The following ZNF821 variants were observed in gnomAD, a reference collection of about 807,000 sequenced individuals.
ZNF821 encodes the protein zinc finger protein 821.
Under a neutral mutation model 44.3 loss-of-function variants are expected in ZNF821, and 16 were observed. That is an observed-to-expected ratio of 0.36 (90% CI 0.24 to 0.55). The LOEUF (loss-of-function observed/expected upper bound fraction) is 0.55. ZNF821 is among the 20% of genes least tolerant of loss of function. The pLI, the probability that ZNF821 is intolerant of heterozygous loss-of-function variation, is 0.86. For missense variants in ZNF821, 436 were observed against 547.6 expected (o/e 0.80, Z 2.03); for synonymous variants, 204 against 197.6 (o/e 1.03, Z -0.27).
chr16:71,894,718 TAG>T, intron 1 of ZNF821: 30 of 567,556 alleles, frequency 5.3e-5, no homozygotes, highest in South Asian at 2.8e-4. Flanking sequence ...TTTTTTTTTG[TAG>T]CGATGCGGTT....
chr16:71,860,387 G>A lies in ZNF821; in HGVS notation c.870C>T (p.Pro290=), dbSNP rs754499117. ...TCATGCGCCTCACCTCCCGCTCCTC[G>A]GGGGTCTCATTGTCCCGCCGGCTCT... The part of the protein sequence containing the change: ...AKKSRRDNET[P]EEREVRRMRD... The change falls in exon 8 of 8, where the codon CCC becomes CCT. Residue 290 remains proline (P), a synonymous_variant. Transcript: ENST00000425432. This position sits in a 1 kb window ranked among gnomAD's most constrained non-coding sequence, Gnocchi z 7.3. 19 of 1,611,942 alleles carry A rather than the reference G, an allele frequency of 1.2e-5. No individual in the cohort carries two copies. The highest frequency in any genetic ancestry group is 6.7e-5 in the African/African-American group (5 of 74,902).
chr16:71,867,381 C>T (rs2034663662), intron 4 of ZNF821, among the ~76,000 whole-genome samples: 1 of 152,042 alleles, frequency 6.6e-6, no homozygotes, highest in African/African-American at 2.4e-5. Flanking sequence ...GTACTGTAGT[C>T]CATAAGTTAA....
At chr16:71,861,754 C>T (rs369403009) in intron 7 of ZNF821, 22 bp downstream of exon 7, 35 of 1,612,688 alleles carry the variant, frequency 2.2e-5, no homozygotes, top group Non-Finnish European at 2.9e-5. Flanking sequence ...CCCAGCACAA[C>T]AGGGATAAGT....
Position 71,860,652 on chromosome 16 carries a change from A to G in ZNF821, c.605T>C (p.Leu202Pro). 6.2e-7 allele frequency: 1 copy of G among 1,613,212 alleles called. No individual in the cohort carries two copies. Among genetic ancestry groups the G allele is most frequent in the Non-Finnish European group, 8.5e-7 (1 of 1,179,546 alleles). The change falls in exon 8 of 8, where the codon CTA becomes CCA. Residue 202 changes from leucine to proline, a missense_variant. Leu to Pro is a moderately conservative substitution (Grantham distance 98). Around this residue, in one of 5 missense-constraint regions of ZNF821, gnomAD observed 238 missense variants for 281.4 expected, o/e 0.85. Coordinates refer to ENST00000425432, the MANE Select transcript of ZNF821 (RefSeq NM_001201552.2). This position sits in a 1 kb window ranked among gnomAD's most constrained non-coding sequence, Gnocchi z 7.3. ...GACTGTGGGTAGGGATTCCATATTT[A>G]GTACTTCAGGAAGTTTCTCACTGGA... ...TFNSEKLPEVLNMESLPTVHN... is the reference protein window; with the variant it reads ...TFNSEKLPEVPNMESLPTVHN...
At chr16:71,892,653 C>A (rs774770905) in intron 1 of ZNF821, among the ~76,000 whole-genome samples, 7 of 149,664 alleles carry the variant, frequency 4.7e-5, no homozygotes, top group Non-Finnish European at 4.5e-5. Flanking sequence ...CTCATTGCAA[C>A]CTCCGCCTCC....
chr16:71,878,696 G>A (rs182944574), intron 3 of ZNF821, among the ~76,000 whole-genome samples: 3 of 151,978 alleles, frequency 2.0e-5, no homozygotes, highest in African/African-American at 4.8e-5. Flanking sequence ...TTGGGAGCCC[G>A]AGGTGGCCAG....
chr16:71,860,303 G>T lies in ZNF821; in HGVS notation c.954C>A (p.Arg318=), dbSNP rs1376970489. 2 of 1,612,860 alleles carry T rather than the reference G, an allele frequency of 1.2e-6. No individual in the cohort carries two copies. The highest frequency in any genetic ancestry group is 2.7e-5 in the African/African-American group (2 of 74,910). The change falls in exon 8 of 8, where the codon CGC becomes CGA. Residue 318 remains arginine (R), a synonymous_variant. Transcript: ENST00000425432. The surrounding 1 kb of genome is among the most constrained non-coding windows in gnomAD (Gnocchi z 7.3). ...TGGCCTCCCGATCCCGCTGCAGCCG[G>T]CGTGCCCGCTGCTCGTCTGTCTCCT... ...RMQETDEQRA[R]RLQRDREAMR...
intron 3 of ZNF821, among the ~76,000 whole-genome samples, chr16:71,876,672 C>T (rs2035856223): frequency 6.6e-6 from 1 of 152,132 alleles, no homozygotes; most frequent in Non-Finnish European, 1.5e-5. Flanking sequence ...GATCTCAGCT[C>T]TCTCAGCTCA....
At position 71,860,271 on chromosome 16, in the gene ZNF821, A is replaced by G; in HGVS notation, c.986T>C (p.Leu329Pro). Residue 329 changes from leucine (L) to proline (P), a missense_variant, in exon 8 of 8, where the codon CTG (leucine) becomes CCG (proline). Leu to Pro is a moderately conservative substitution (Grantham distance 98, BLOSUM62 -3). This residue lies in a region of ZNF821 where 72 missense variants were observed against 133.3 expected (regional missense o/e 0.54). Coordinates refer to ENST00000425432, the MANE Select transcript of ZNF821 (RefSeq NM_001201552.2). This position sits in a 1 kb window ranked among gnomAD's most constrained non-coding sequence, Gnocchi z 7.3. ...TTCCGGGGTTTCATTGGCCCGCTTC[A>G]GCCTCATGGCCTCCCGATCCCGCTG... ...RLQRDREAMR[L>P]KRANETPEKR... 6.2e-7 allele frequency: 1 copy of G among 1,613,912 alleles called. No homozygotes were observed. The highest frequency in any genetic ancestry group is 8.5e-7 in the Non-Finnish European group (1 of 1,180,006).
At chr16:71,870,907 T>C (rs973581253) in intron 3 of ZNF821, among the ~76,000 whole-genome samples, 10 of 152,204 alleles carry the variant, frequency 6.6e-5, no homozygotes, top group Non-Finnish European at 8.8e-5. Context: ...GGGGAAGACC[T>C]TTCTCATCAG....
chr16:71,874,459 T>C (rs1292396397), intron 3 of ZNF821, among the ~76,000 whole-genome samples: 3 of 152,162 alleles, frequency 2.0e-5, no homozygotes, highest in Admixed American at 2.0e-4. Flanking sequence ...TTATTTTGTG[T>C]ATTTATTTTT....
In ZNF821 at chr16:71,894,897, A is replaced by G. The variant is rs1342928481; in HGVS notation, n.440T>C. On this transcript the variant is annotated non_coding_transcript_exon_variant, in exon 1 of 3. Transcript: ENST00000561700. The stretch of plus-strand genomic sequence containing the variant: ...AAGTTTTCTCTGAATACCGAGATAA[A>G]TTAGGGAAATCGCCAGAGACTGTGG... 3.6e-6 allele frequency: 5 copies of G among 1,371,038 alleles called. No individual in the cohort carries two copies. In the South Asian group the frequency reaches 3.7e-5, roughly 10 times the overall value. The allele number at this position is 1,371,038 out of a possible 1,614,324, so 84.9% of individuals were successfully genotyped here. A position where few individuals can be genotyped will look rare whatever the true frequency, so the allele number is the denominator to read the frequency against.
rs1390187636 is a variant in ZNF821, at chr16:71,860,714, C to A, written c.585-42G>T. On this transcript the variant is annotated intron_variant, in intron 7 of 7. Transcript: ENST00000425432. This position sits in a 1 kb window ranked among gnomAD's most constrained non-coding sequence, Gnocchi z 7.3. Reference sequence around the variant, plus strand: ...TTGGATGGTTAGTGTTTCCTTCTAGCAAGAGTCGGGACTCCAGCCCTGCCT... The same window carrying A: ...TTGGATGGTTAGTGTTTCCTTCTAGAAAGAGTCGGGACTCCAGCCCTGCCT... The A allele has an allele frequency of 6.3e-7, 1 of 1,583,954 alleles. No homozygotes were observed. The highest frequency in any genetic ancestry group is 8.6e-7 in the Non-Finnish European group (1 of 1,168,506).
chr16:71,876,297 G>A (rs900522340), intron 3 of ZNF821, among the ~76,000 whole-genome samples: 3 of 151,854 alleles, frequency 2.0e-5, no homozygotes, highest in East Asian at 1.9e-4. Context: ...TCTGCCTCCC[G>A]AGTTCAAGTG....
rs757363667 is a variant in ZNF821 at position 71,860,662 on chromosome 16, G to C, written c.595C>G (p.Pro199Ala). The C allele has an allele frequency of 6.2e-7, 1 of 1,611,830 alleles. No individual in the cohort carries two copies. Among genetic ancestry groups the C allele is most frequent in the South Asian group, 1.1e-5 (1 of 91,018 alleles). The change falls in exon 8 of 8, where the codon CCT becomes GCT. Residue 199 changes from proline to alanine, a missense_variant. By Grantham distance (27) the Pro-to-Ala change is conservative. This residue lies in a region of ZNF821 where 238 missense variants were observed against 281.4 expected (regional missense o/e 0.85). Transcript: ENST00000425432. This position sits in a 1 kb window ranked among gnomAD's most constrained non-coding sequence, Gnocchi z 7.3. ...AGGGATTCCATATTTAGTACTTCAG[G>C]AAGTTTCTCACTGGAAAGGAAACAT... ...SHATFNSEKL[P>A]EVLNMESLPT...
intron 4 of ZNF821, 128 bp downstream of exon 4, chr16:71,867,784 A>G (rs2034720731): frequency 5.4e-6 from 7 of 1,287,962 alleles, no homozygotes; most frequent in African/African-American, 1.5e-5. Flanking sequence ...CTTTGGGGAC[A>G]CTGAGGATCC....
Position 71,894,821 on chromosome 16 carries a change from C to A in ZNF821, n.448+68G>T, listed in dbSNP as rs1169426088. On this transcript the variant is annotated intron_variant and non_coding_transcript_variant, in intron 1 of 2. Coordinates refer to the ZNF821 transcript ENST00000561700. ...AAGTGCTGGGAAGGTCCCTTCCAGG[C>A]TTAAGCAGCGATAATGGTTTTCAAG... The A allele has an allele frequency of 4.6e-6, 7 of 1,533,584 alleles. No homozygotes were observed. The South Asian group carries it at 6.0e-5, about 13-fold the overall frequency. The allele number at this position is 1,533,584 out of a possible 1,614,324, so 95.0% of individuals were successfully genotyped here.
At chr16:71,870,372 A>C (rs981719057) in intron 3 of ZNF821, among the ~76,000 whole-genome samples, 10 of 152,052 alleles carry the variant, frequency 6.6e-5, no homozygotes, top group Non-Finnish European at 1.0e-4. Context: ...GAGAAAACAA[A>C]AAAAAAAAAT....
At chr16:71,892,571 A>AGTTTT (rs1555507947) in intron 1 of ZNF821, among the ~76,000 whole-genome samples, 16 of 122,476 alleles carry the variant, frequency 1.3e-4, no homozygotes, top group African/African-American at 4.1e-4. Context: ...CCCGGCCAAA[A>AGTTTT]TTTTTTTTTT....
Sources: gnomAD v4.1 joint callset for allele counts (sites outside exome capture counted in the v4.1 genomes callset) on GRCh38, gnomAD v4.1.1 for gene constraint, gnomAD v4.1.1 regional missense constraint, Gnocchi (gnomAD v3.1) non-coding constraint, MANE v1.5 for transcripts, NCBI Gene and HGNC (gene_info 2026-07-23, HGNC 2026-07-21) for gene names.